ETV6: variants seen among roughly 807,000 people sequenced by gnomAD.
ETV6 encodes ETS variant transcription factor 6.
Under a neutral mutation model 51.1 loss-of-function variants are expected in ETV6, and 16 were observed. That is an observed-to-expected ratio of 0.31 (90% CI 0.21 to 0.48). The LOEUF (loss-of-function observed/expected upper bound fraction) is 0.48, where lower values mean the gene tolerates loss of function less well. ETV6 is among the 20% of genes least tolerant of loss of function. ETV6 has a pLI of 0.99. For synonymous variants in ETV6, 240 were observed against 224.1 expected, an observed-to-expected ratio of 1.07 and a Z score of -0.64; for missense variants, 458 against 594.8, an observed-to-expected ratio of 0.77 and a Z score of 2.39.
intron 1 of ETV6, among the ~76,000 whole-genome samples, chr12:11,654,172 A>G (rs1258149002): frequency 6.6e-6 from 1 of 152,228 alleles, no homozygotes; most frequent in Non-Finnish European, 1.5e-5. Flanking sequence ...AAAATAACAA[A>G]GAAGGAAATT....
intron 4 of ETV6, among the ~76,000 whole-genome samples, chr12:11,856,816 TG>T (rs967775923): frequency 2.6e-5 from 4 of 152,164 alleles, no homozygotes; most frequent in African/African-American, 9.6e-5. Context: ...GATCTGGTTC[TG>T]AAAAAAAAAT....
chr12:11,816,522 A>G (rs1591694033), intron 2 of ETV6, among the ~76,000 whole-genome samples: 3 of 152,196 alleles, frequency 2.0e-5, no homozygotes, highest in Admixed American at 6.5e-5. Context: ...CTGGGATTAC[A>G]GGTGTGAGCC....
intron 2 of ETV6, among the ~76,000 whole-genome samples, chr12:11,772,752 T>C (rs553554917): frequency 3.9e-5 from 6 of 152,216 alleles, no homozygotes; most frequent in Admixed American, 1.3e-4. Context: ...ATTTAAACTT[T>C]CCTTGTGATT....
At chr12:11,682,022 A>G (rs186842015) in intron 1 of ETV6, among the ~76,000 whole-genome samples, 41 of 152,338 alleles carry the variant, frequency 2.7e-4, no homozygotes, top group African/African-American at 7.5e-4. Flanking sequence ...CAGTGTCACA[A>G]TAAACATACG....
At chr12:11,876,898 A>G (rs2136564463) in intron 5 of ETV6, among the ~76,000 whole-genome samples, 1 of 152,318 alleles carries the variant, frequency 6.6e-6, no homozygotes, top group Non-Finnish European at 1.5e-5. Context: ...CTTAGAACAC[A>G]CTTCGCAGCA....
At chr12:11,694,703 CA>C (rs1314660268) in intron 1 of ETV6, among the ~76,000 whole-genome samples, 2 of 152,212 alleles carry the variant, frequency 1.3e-5, no homozygotes, top group African/African-American at 4.8e-5. Flanking sequence ...TTCAGATATT[CA>C]ACTCTGCAAA....
intron 2 of ETV6, among the ~76,000 whole-genome samples, chr12:11,791,844 A>ATTCACCTG (rs1945599601): frequency 6.6e-6 from 1 of 152,130 alleles, no homozygotes; most frequent in African/African-American, 2.4e-5. Context: ...TGCACAACAG[A>ATTCACCTG]TTCACCTGGT....
intron 3 of ETV6, among the ~76,000 whole-genome samples, chr12:11,843,833 G>A (rs1054142940): frequency 6.6e-6 from 1 of 151,936 alleles, no homozygotes. Context: ...TAATTATATG[G>A]TCTCTAACCA....
Position 11,893,841 on chromosome 12 carries a change from T to TAC in ETV6, c.*2809_*2810dup, listed in dbSNP as rs61009195. The TAC allele has an allele frequency of 5.7e-3, 324 of 57,090 alleles. 1 individual carries two copies. Among genetic ancestry groups the TAC allele is most frequent in the African/African-American group, 0.016 (244 of 15,472 alleles). The allele number at this position is 57,090 out of a possible 1,614,324, so 3.5% of individuals were successfully genotyped here. The stretch of plus-strand genomic sequence containing the variant: ...ATATATATATATATATATATATATA[T>TAC]ACACACACACACACATACACAAATA... On this transcript the variant is annotated 3_prime_UTR_variant, in exon 8 of 8. Transcript: ENST00000396373.
At chr12:11,735,086 CTTTTTTTTT>C (rs58797937) in intron 1 of ETV6, among the ~76,000 whole-genome samples, 3 of 76,230 alleles carry the variant, frequency 3.9e-5, no homozygotes, top group East Asian at 9.9e-4. Context: ...GCAAGGTGGC[CTTTTTTTTT>C]TTTTTTTTTT....
intron 1 of ETV6, among the ~76,000 whole-genome samples, chr12:11,706,078 G>A (rs886965270): frequency 6.6e-6 from 1 of 152,232 alleles, no homozygotes; most frequent in Non-Finnish European, 1.5e-5. Flanking sequence ...ACTTCTTTAG[G>A]ATGGGGATGA....
intron 2 of ETV6, among the ~76,000 whole-genome samples, chr12:11,832,065 C>CAT (rs1946252084): frequency 6.6e-6 from 1 of 152,036 alleles, no homozygotes; most frequent in African/African-American, 2.4e-5. Context: ...TGAAAAGAAA[C>CAT]ATATAAAGGA....
chr12:11,752,415 T>A, intron 1 of ETV6, 35 bp from the exon 2 acceptor site: 1 of 1,588,626 alleles, frequency 6.3e-7, no homozygotes, highest in Non-Finnish European at 8.6e-7. Context: ...ATTGTCTCTC[T>A]CCCCCTCCCC....
intron 1 of ETV6, among the ~76,000 whole-genome samples, chr12:11,749,095 G>A (rs1435247431): frequency 6.6e-6 from 1 of 152,064 alleles, no homozygotes; most frequent in East Asian, 1.9e-4. Flanking sequence ...AAATTTGAGA[G>A]CAGCGTGTTT....
chr12:11,702,885 C>T (rs897744865), intron 1 of ETV6, among the ~76,000 whole-genome samples: 1 of 152,186 alleles, frequency 6.6e-6, no homozygotes, highest in African/African-American at 2.4e-5. Context: ...CCGGGTAGAT[C>T]GCTTGAGCCC....
rs1864456873 is a variant in ETV6, at chr12:11,678,171, G to T, written c.33+28011G>T. 4.6e-5 allele frequency among the ~76,000 whole-genome samples: 7 copies of T among 152,270 alleles called. 1 individual carries two copies. In the South Asian group the frequency reaches 1.5e-3, roughly 32 times the overall value. On this transcript the variant is annotated intron_variant, in intron 1 of 7. Coordinates refer to ENST00000396373, the MANE Select transcript of ETV6 (RefSeq NM_001987.5). ...TAACATCCTTATTATAAGAACTTTGGGCCAGAAAACAGAACAAAAAGGGAG... is the reference window on the plus strand; with the variant it reads ...TAACATCCTTATTATAAGAACTTTGTGCCAGAAAACAGAACAAAAAGGGAG...
chr12:11,664,023 G>A (rs750951243), intron 1 of ETV6, among the ~76,000 whole-genome samples: 11 of 152,276 alleles, frequency 7.2e-5, no homozygotes, highest in South Asian at 4.1e-4. Flanking sequence ...AGTGTACTTG[G>A]ATGAATAGGT....
At chr12:11,816,037 A>T (rs1306284668) in intron 2 of ETV6, among the ~76,000 whole-genome samples, 1 of 152,178 alleles carries the variant, frequency 6.6e-6, no homozygotes, top group Admixed American at 6.5e-5. Context: ...GTGGTTCACC[A>T]GGCAGAAAAC....
rs2136595102 is a variant in ETV6, at chr12:11,884,441, G to A, written c.1010-4G>A. The stretch of plus-strand genomic sequence containing the variant: ...CAGTGTTTTCTTGCCCTTTTCCTCT[G>A]TAGACTGTAGACTGCTTTGGGATTA... On this transcript the variant is annotated splice_region_variant and splice_polypyrimidine_tract_variant and intron_variant, in intron 5 of 7. Coordinates refer to ENST00000396373, the MANE Select transcript of ETV6 (RefSeq NM_001987.5). The A allele has an allele frequency of 6.2e-7, 1 of 1,614,152 alleles. No homozygotes were observed. Among genetic ancestry groups the A allele is most frequent in the Non-Finnish European group, 8.5e-7 (1 of 1,180,026 alleles).
Sources: allele counts gnomAD v4.1 joint callset (sites outside exome capture counted in the v4.1 genomes callset), GRCh38; gene constraint gnomAD v4.1.1; transcripts MANE v1.5; gene names NCBI Gene and HGNC (gene_info 2026-07-23, HGNC 2026-07-21).